TNRC18: variants seen among roughly 807,000 people sequenced by gnomAD.
TNRC18 encodes the protein trinucleotide repeat containing 18, also known as trinucleotide repeat-containing gene 18 protein.
A neutral mutation model predicts 226.7 loss-of-function variants in TNRC18; 69 were observed. That is an observed-to-expected ratio of 0.30 (90% CI 0.25 to 0.37). The LOEUF (loss-of-function observed/expected upper bound fraction) is 0.37, where lower values mean the gene tolerates loss of function less well. Among genes scored for constraint, TNRC18 ranks in the 10% least tolerant of loss-of-function variants. The pLI is 1.00. For missense variants in TNRC18, 4,754 were observed against 4,256.6 expected (o/e 1.12, Z -3.25); for synonymous variants, 2,449 against 1,927.6 (o/e 1.27, Z -7.09).
At position 5,421,272 on chromosome 7, in the gene TNRC18, C is replaced by T; in HGVS notation, c.-26G>A. 3.1e-6 allele frequency: 4 copies of T among 1,275,268 alleles called. No homozygotes were observed. Among genetic ancestry groups the T allele is most frequent in the Non-Finnish European group, 4.0e-6 (4 of 1,008,408 alleles). The allele number at this position is 1,275,268 out of a possible 1,614,324, so 79.0% of individuals were successfully genotyped here. On this transcript the variant is annotated 5_prime_UTR_variant, in exon 2 of 30. Coordinates refer to ENST00000430969, the MANE Select transcript of TNRC18 (RefSeq NM_001080495.3). ...CCTCCGCGGGAGTGCCGCGATCAGC[C>T]CCCCACCCGGCCCGCAGGCCTAGCT... is the stretch of plus-strand genomic sequence containing the variant.
Position 5,370,924 on chromosome 7 carries a change from C to T in TNRC18, c.3670G>A (p.Glu1224Lys). 1.2e-6 allele frequency: 2 copies of T among 1,605,580 alleles called. No homozygotes were observed. Among genetic ancestry groups the T allele is most frequent in the Middle Eastern group, 1.6e-4 (1 of 6,062 alleles). Residue 1224 changes from glutamate to lysine, a missense_variant, in exon 11 of 30, where the codon GAG becomes AAG. By Grantham distance (56) the Glu-to-Lys change is moderately conservative. Coordinates refer to ENST00000430969, the MANE Select transcript of TNRC18 (RefSeq NM_001080495.3). ...GAATCCACCCGTGGTTCAGGCCCCTCCACAAAGTCTGGACACTCAGAGGGC... is the reference window on the plus strand; with the variant it reads ...GAATCCACCCGTGGTTCAGGCCCCTTCACAAAGTCTGGACACTCAGAGGGC... ...AEPSECPDFV[E>K]GPEPRVDSPG...
intron 3 of TNRC18, among the ~76,000 whole-genome samples, chr7:5,393,589 G>A (rs572603624): frequency 6.6e-6 from 1 of 152,256 alleles, no homozygotes; most frequent in South Asian, 2.1e-4. Context: ...CAGGAACCAC[G>A]AGCACCTACA....
intron 18 of TNRC18, among the ~76,000 whole-genome samples, chr7:5,339,577 G>A (rs1048183296): frequency 7.3e-6 from 1 of 136,304 alleles, no homozygotes; most frequent in African/African-American, 2.6e-5. Flanking sequence ...GTGTGTGTGT[G>A]TTTTTCGACA....
intron 16 of TNRC18, among the ~76,000 whole-genome samples, chr7:5,354,334 GC>G (rs1346367730): frequency 6.6e-6 from 1 of 151,984 alleles, no homozygotes; most frequent in Non-Finnish European, 1.5e-5. Flanking sequence ...CTGACCTCCA[GC>G]TCCACCCCAT....
Position 5,313,055 on chromosome 7 carries a change from C to T in TNRC18, c.7836G>A (p.Pro2612=), listed in dbSNP as rs775880649. 7 of 1,021,760 alleles carry T rather than the reference C, an allele frequency of 6.9e-6. No homozygotes were observed. Among genetic ancestry groups the T allele is most frequent in the South Asian group, 2.7e-5 (2 of 73,888 alleles). The allele number at this position is 1,021,760 out of a possible 1,614,324, so 63.3% of individuals were successfully genotyped here. A position where few individuals can be genotyped will look rare whatever the true frequency, so the allele number is the denominator to read the frequency against. The change falls in exon 27 of 30, where the codon CCG becomes CCA. Residue 2612 remains proline, a synonymous_variant. Transcript: ENST00000430969. ...AGGATGAGGAGGAGGAGGAGGAGGCCGGTGAGGCCGCCCTGGAGCTGGCAG... is the reference window on the plus strand; with the variant it reads ...AGGATGAGGAGGAGGAGGAGGAGGCTGGTGAGGCCGCCCTGGAGCTGGCAG... ...CSAASSRAAS[P]ASSSSSSSSS...
chr7:5,327,004 G>C (rs1214855421), intron 19 of TNRC18, among the ~76,000 whole-genome samples: 1 of 151,626 alleles, frequency 6.6e-6, no homozygotes, highest in African/African-American at 2.4e-5. Context: ...CACGCCTGTA[G>C]TCCCAGCTAC....
Position 5,352,117 on chromosome 7 carries a change from T to A in TNRC18, c.5195-23A>T, listed in dbSNP as rs757986632. On this transcript the variant is annotated intron_variant, in intron 16 of 29. Coordinates refer to ENST00000430969, the MANE Select transcript of TNRC18 (RefSeq NM_001080495.3). ...TATCTGCAGTCAAAGTAGTTTTTAA[T>A]AGAGATAAGTCACAGGGCAGCAGGA... The A allele has an allele frequency of 3.2e-6, 5 of 1,581,518 alleles. No individual in the cohort carries two copies. In the South Asian group the frequency reaches 5.7e-5, roughly 18 times the overall value.
intron 11 of TNRC18, among the ~76,000 whole-genome samples, chr7:5,367,265 TGAGGCAGGAGAATCACCTGAACCCAG>T (rs1793709963): frequency 6.6e-6 from 1 of 151,800 alleles, no homozygotes; most frequent in Non-Finnish European, 1.5e-5. Context: ...CTTGGGAAGC[TGAGGCAGGAGAATCACCTGAACCCAG>T]GAGGCAGAGC....
intron 2 of TNRC18, among the ~76,000 whole-genome samples, chr7:5,409,296 AC>A (rs1159573164): frequency 1.3e-5 from 2 of 152,208 alleles, no homozygotes; most frequent in Non-Finnish European, 2.9e-5. Flanking sequence ...GGAAAAAAAT[AC>A]AATTAATATC....
At chr7:5,345,931 G>A in intron 17 of TNRC18, 121 bp from the exon 18 acceptor site, 1 of 1,366,580 alleles carries the variant, frequency 7.3e-7, no homozygotes, top group Non-Finnish European at 9.6e-7. Flanking sequence ...CTGAGCAGGG[G>A]GCCGCTGGGG....
intron 4 of TNRC18, 125 bp from the exon 5 acceptor site, chr7:5,389,461 G>GTTT: frequency 3.5e-6 from 2 of 564,656 alleles, no homozygotes; most frequent in Non-Finnish European, 4.5e-6. Context: ...TTTGGTTTTG[G>GTTT]TTTTTTTTTT....
intron 2 of TNRC18, among the ~76,000 whole-genome samples, chr7:5,404,970 T>C (rs1439769221): frequency 6.6e-6 from 1 of 151,724 alleles, no homozygotes; most frequent in Non-Finnish European, 1.5e-5. Flanking sequence ...AAAAAAAAAT[T>C]AGCTGGGTGT....
chr7:5,373,408 C>T (rs1319336554), intron 10 of TNRC18, among the ~76,000 whole-genome samples: 1 of 152,208 alleles, frequency 6.6e-6, no homozygotes, highest in Non-Finnish European at 1.5e-5. Flanking sequence ...CCCTGATTCT[C>T]TGCACCACTC....
rs1794070260 is a variant in TNRC18, at chr7:5,370,785, A to G, written c.3809T>C (p.Val1270Ala). The G allele has an allele frequency of 6.2e-7, 1 of 1,603,560 alleles. No homozygotes were observed. The highest frequency in any genetic ancestry group is 8.5e-7 in the Non-Finnish European group (1 of 1,176,220). The change falls in exon 11 of 30, where the codon GTG becomes GCG. Residue 1270 changes from valine (V) to alanine (A), a missense_variant. Val to Ala is a moderately conservative substitution (Grantham distance 64). Coordinates refer to ENST00000430969, the MANE Select transcript of TNRC18 (RefSeq NM_001080495.3). Reference protein sequence around the residue: ...EPVEVPVAVPVVEAVPEEGLA... With the variant: ...EPVEVPVAVPAVEAVPEEGLA... ...GCCTTCCTCGGGCACTGCCTCCACC[A>G]CGGGCACCGCCACAGGCACCTCCAC... is the stretch of plus-strand genomic sequence containing the variant.
At chr7:5,355,949 G>A (rs1792323688) in intron 16 of TNRC18, among the ~76,000 whole-genome samples, 2 of 152,110 alleles carry the variant, frequency 1.3e-5, no homozygotes, top group African/African-American at 4.8e-5. Flanking sequence ...TGGATCACCT[G>A]AGGTCAGGAG....
chr7:5,312,800 C>A lies in TNRC18; in HGVS notation c.8091G>T (p.Ala2697=), dbSNP rs749764256. Residue 2697 remains alanine (A), a synonymous_variant, in exon 27 of 30, where the codon GCG becomes GCT. Coordinates refer to ENST00000430969, the MANE Select transcript of TNRC18 (RefSeq NM_001080495.3). This position sits in a 1 kb window ranked among gnomAD's most constrained non-coding sequence, Gnocchi z 6.3. Reference sequence around the variant, plus strand: ...GCTTGGTGGCCTTGGTGGGGAGCGCCGCCTGCGCGGAAGGGCCAGCCGTGG... The same window carrying A: ...GCTTGGTGGCCTTGGTGGGGAGCGCAGCCTGCGCGGAAGGGCCAGCCGTGG... ...PAPTAGPSAQ[A]ALPTKATKQA... is the part of the protein sequence containing the mutation. 1.0e-5 allele frequency: 16 copies of A among 1,534,420 alleles called. No homozygotes were observed. Among genetic ancestry groups the A allele is most frequent in the African/African-American group, 2.8e-5 (2 of 72,552 alleles).
chr7:5,353,994 G>A (rs1042120659), intron 16 of TNRC18, among the ~76,000 whole-genome samples: 19 of 152,076 alleles, frequency 1.2e-4, no homozygotes, highest in African/African-American at 4.3e-4. Context: ...CCTGAGGTCA[G>A]GAGCTCAAGA....
rs1315270633 is a variant in TNRC18 at position 5,315,168 on chromosome 7, G to A, written c.6863-20C>T. 6 of 1,607,466 alleles carry A rather than the reference G, an allele frequency of 3.7e-6. No individual in the cohort carries two copies. The Admixed American group carries it at 6.7e-5, about 18-fold the overall frequency. On this transcript the variant is annotated intron_variant, in intron 25 of 29. Transcript: ENST00000430969. ...CAGCACCTGTGGGGCAGAGGACAGA[G>A]TGGCTCATCAGGCCTGGGGTCCCCA...
rs1222537562 is a variant in TNRC18 at position 5,343,971 on chromosome 7, T to C, written c.5719+1591A>G. Among the ~76,000 whole-genome samples, 9 of 152,080 alleles carry C rather than the reference T, an allele frequency of 5.9e-5. No individual in the cohort carries two copies. In the East Asian group the frequency reaches 1.5e-3, roughly 26 times the overall value. ...GAAAATAACAAAGAGTAGAAACCAA[T>C]GAAACTAATCACGTCTAGCCAGACT... On this transcript the variant is annotated intron_variant, in intron 18 of 29. Coordinates refer to ENST00000430969, the MANE Select transcript of TNRC18 (RefSeq NM_001080495.3).
Sources: gnomAD v4.1 joint callset for allele counts (sites outside exome capture counted in the v4.1 genomes callset) on GRCh38, gnomAD v4.1.1 for gene constraint, Gnocchi (gnomAD v3.1) non-coding constraint, MANE v1.5 for transcripts, NCBI Gene and HGNC (gene_info 2026-07-23, HGNC 2026-07-21) for gene names.